The following FOXP4 variants were observed in gnomAD, a reference collection of about 807,000 sequenced individuals.
FOXP4 encodes the protein forkhead box P4.
In FOXP4, 25 loss-of-function variants were observed where a neutral mutation model predicts 82.6. The observed-to-expected ratio is 0.30, with a 90% CI of 0.22 to 0.42. The LOEUF (loss-of-function observed/expected upper bound fraction) is 0.42. FOXP4 is among the 10% of genes least tolerant of loss of function. The pLI, the probability that FOXP4 is intolerant of heterozygous loss-of-function variation, is 1.00. For missense variants in FOXP4, 785 were observed against 900.9 expected, an observed-to-expected ratio of 0.87 and a Z score of 1.65; for synonymous variants, 415 against 388.2, an observed-to-expected ratio of 1.07 and a Z score of -0.81.
intron 1 of FOXP4, among the ~76,000 whole-genome samples, chr6:41,550,220 G>A (rs372527228): frequency 9.2e-5 from 14 of 152,284 alleles, no homozygotes; most frequent in African/African-American, 3.4e-4. Flanking sequence ...TGGGACTCTG[G>A]AGAACTTAAT....
chr6:41,546,941 ACT>A (rs1353973036), intron 1 of FOXP4, 74 bp downstream of exon 1: 1 of 149,772 alleles, frequency 6.7e-6, no homozygotes, highest in Non-Finnish European at 1.5e-5. Flanking sequence ...TCGCTCGCGC[ACT>A]CTCTCGCCCG....
chr6:41,599,389 C>T lies in FOXP4; in HGVS notation c.*453C>T, dbSNP rs913917129. The T allele has an allele frequency of 6.3e-6, 1 of 159,862 alleles. No homozygotes were observed. The highest frequency in any genetic ancestry group is 5.8e-5 in the Admixed American group (1 of 17,150). The allele number at this position is 159,862 out of a possible 1,614,324, so 9.9% of individuals were successfully genotyped here. On this transcript the variant is annotated 3_prime_UTR_variant, in exon 17 of 17. Transcript: ENST00000307972. Reference sequence around the variant, plus strand: ...GGCCCCCACTTTCCTAACTCGTGCTCCCTTCCGCCTTCTTTTCCGTACTGT... The same window carrying T: ...GGCCCCCACTTTCCTAACTCGTGCTTCCTTCCGCCTTCTTTTCCGTACTGT...
chr6:41,582,143 C>T (rs1354421759), intron 3 of FOXP4, among the ~76,000 whole-genome samples: 2 of 152,224 alleles, frequency 1.3e-5, no homozygotes, highest in Non-Finnish European at 2.9e-5. Context: ...TGATTTTCTT[C>T]ACGTTTACAT....
At chr6:41,560,798 C>T (rs1764531701) in intron 1 of FOXP4, among the ~76,000 whole-genome samples, 1 of 152,234 alleles carries the variant, frequency 6.6e-6, no homozygotes, top group South Asian at 2.1e-4. Flanking sequence ...TGTTACGGCT[C>T]AGATTAAGCG....
rs2127407887 is a variant in FOXP4 at position 41,596,987 on chromosome 6, G to C, written c.1659-189G>C. 1.3e-5 allele frequency among the ~76,000 whole-genome samples: 2 copies of C among 152,312 alleles called. 1 individual carries two copies. Among genetic ancestry groups the C allele is most frequent in the South Asian group, 4.2e-4 (2 of 4,818 alleles). ...TGAAGGGGCTGCTCCTGCAGGGCCA[G>C]TTGAGCGTGAAGACCGAATCAGACC... On this transcript the variant is annotated intron_variant, in intron 14 of 16. Transcript: ENST00000307972.
intron 1 of FOXP4, among the ~76,000 whole-genome samples, chr6:41,551,922 C>T (rs1030469915): frequency 1.3e-5 from 2 of 152,148 alleles, no homozygotes; most frequent in African/African-American, 4.8e-5. Flanking sequence ...TCACATGCAA[C>T]TTGGAAAATC....
chr6:41,550,047 G>C (rs534777314), intron 1 of FOXP4, among the ~76,000 whole-genome samples: 100 of 152,228 alleles, frequency 6.6e-4, no homozygotes, highest in Admixed American at 1.2e-3. Flanking sequence ...CTAGACCAAG[G>C]CAGGGCAGGT....
chr6:41,594,277 A>G (rs1766693206), intron 13 of FOXP4, among the ~76,000 whole-genome samples: 1 of 152,198 alleles, frequency 6.6e-6, no homozygotes, highest in Admixed American at 6.5e-5. Flanking sequence ...TTCAACAAGT[A>G]TGTATGAGGC....
Position 41,584,908 on chromosome 6 carries a change from G to A in FOXP4, c.423+17G>A, listed in dbSNP as rs762723447. The A allele has an allele frequency of 1.9e-6, 3 of 1,601,538 alleles. No individual in the cohort carries two copies. Among genetic ancestry groups the A allele is most frequent in the Admixed American group, 3.4e-5 (2 of 59,386 alleles). On this transcript the variant is annotated intron_variant, in intron 4 of 16. Coordinates refer to ENST00000307972, the MANE Select transcript of FOXP4 (RefSeq NM_001012426.2). ...CTCCAGCAGGTGAGTCTGGCCCCAGGGCAGCTGGTCCCTCCTCCTCTGCCT... is the reference window on the plus strand; with the variant it reads ...CTCCAGCAGGTGAGTCTGGCCCCAGAGCAGCTGGTCCCTCCTCCTCTGCCT...
At position 41,587,463 on chromosome 6, in the gene FOXP4, C is replaced by T; in HGVS notation, c.823C>T (p.His275Tyr). The change falls in exon 7 of 17, where the codon CAT becomes TAT. Residue 275 changes from histidine (H) to tyrosine (Y), a missense_variant. Transcript: ENST00000307972. Reference sequence around the variant, plus strand: ...CAAGGTCTCACCCCCCCTCTCCCACCATACCCTGCCCAACGGACAGCCTAC... The same window carrying T: ...CAAGGTCTCACCCCCCCTCTCCCACTATACCCTGCCCAACGGACAGCCTAC... ...PPKVSPPLSH[H>Y]TLPNGQPTVL... 6.5e-7 allele frequency: 1 copy of T among 1,548,588 alleles called. No homozygotes were observed. The highest frequency in any genetic ancestry group is 8.7e-7 in the Non-Finnish European group (1 of 1,147,452).
At chr6:41,589,004 C>A (rs1178955877) in intron 9 of FOXP4, among the ~76,000 whole-genome samples, 5 of 152,228 alleles carry the variant, frequency 3.3e-5, no homozygotes, top group African/African-American at 1.2e-4. Flanking sequence ...TTATTAGCAG[C>A]TAACATATGG....
rs139784428 is a variant in FOXP4, at chr6:41,587,433, C to T, written c.793C>T (p.Pro265Ser). The T allele has an allele frequency of 1.8e-4, 276 of 1,572,452 alleles. No homozygotes were observed. The highest frequency in any genetic ancestry group is 2.2e-4 in the Non-Finnish European group (258 of 1,158,614). ...TAATATSFAA[P>S]PKVSPPLSHH... ...CGCCACCGCTACCTCGTTTGCCGCT[C>T]CCCCCAAGGTCTCACCCCCCCTCTC... Residue 265 changes from proline to serine, a missense_variant, in exon 7 of 17, where the codon CCC becomes TCC. Physicochemically the swap from Pro to Ser is moderately conservative, Grantham distance 74. Transcript: ENST00000307972.
chr6:41,600,165 C>G lies in FOXP4; in HGVS notation c.*1229C>G, dbSNP rs1315784312. 1 of 152,624 alleles carries G rather than the reference C, an allele frequency of 6.6e-6. No homozygotes were observed. Among genetic ancestry groups the G allele is most frequent in the Non-Finnish European group, 1.5e-5 (1 of 68,136 alleles). The allele number at this position is 152,624 out of a possible 1,614,324, so 9.5% of individuals were successfully genotyped here. Reference sequence around the variant, plus strand: ...CCCTGGGGCTCAGTGGAGGCAGGGCCCTGCCCCCCTCCCTTCCGCTCCTGC... The same window carrying G: ...CCCTGGGGCTCAGTGGAGGCAGGGCGCTGCCCCCCTCCCTTCCGCTCCTGC... On this transcript the variant is annotated 3_prime_UTR_variant, in exon 17 of 17. Coordinates refer to ENST00000307972, the MANE Select transcript of FOXP4 (RefSeq NM_001012426.2).
chr6:41,571,747 G>T (rs867195048), intron 2 of FOXP4, among the ~76,000 whole-genome samples: 3 of 151,756 alleles, frequency 2.0e-5, no homozygotes, highest in South Asian at 4.2e-4. Flanking sequence ...CACCTTCCTT[G>T]TCCCCCCTCT....
In FOXP4 at chr6:41,599,211, T is replaced by C; in HGVS notation, c.*275T>C. On this transcript the variant is annotated 3_prime_UTR_variant, in exon 17 of 17. Transcript: ENST00000307972. ...GACCCTCCCCACATCTGAAACTGCC[T>C]CCCCCCAACCACCAGCAGCAGCAGG... is the stretch of plus-strand genomic sequence containing the variant. 6.9e-6 allele frequency: 2 copies of C among 291,092 alleles called. No homozygotes were observed. The highest frequency in any genetic ancestry group is 1.3e-5 in the Non-Finnish European group (2 of 156,940). The allele number at this position is 291,092 out of a possible 1,614,324, so 18.0% of individuals were successfully genotyped here.
At chr6:41,576,658 G>A (rs538690165) in intron 2 of FOXP4, among the ~76,000 whole-genome samples, 8 of 152,304 alleles carry the variant, frequency 5.3e-5, no homozygotes, top group African/African-American at 1.7e-4. Context: ...AATGAGAGCC[G>A]AAGGGAGTGA....
chr6:41,596,857 G>A (rs568772531), intron 14 of FOXP4, among the ~76,000 whole-genome samples: 1 of 152,050 alleles, frequency 6.6e-6, no homozygotes, highest in East Asian at 1.9e-4. Context: ...AAAACGGGTG[G>A]GGGGGCAGCA....
intron 13 of FOXP4, among the ~76,000 whole-genome samples, chr6:41,592,296 A>G (rs972070135): frequency 1.3e-5 from 2 of 152,134 alleles, no homozygotes; most frequent in African/African-American, 4.8e-5. Context: ...GTGCCTGCCT[A>G]CCCTTTGCCC....
intron 5 of FOXP4, 140 bp downstream of exon 5, chr6:41,585,657 G>C (rs1581767287): frequency 2.7e-6 from 2 of 750,776 alleles, no homozygotes; most frequent in African/African-American, 3.5e-5. Context: ...AAGGATCAGT[G>C]TGGGGGAAAT....
Sources: allele counts gnomAD v4.1 joint callset (sites outside exome capture counted in the v4.1 genomes callset), GRCh38; gene constraint gnomAD v4.1.1; transcripts MANE v1.5; gene names NCBI Gene and HGNC (gene_info 2026-07-23, HGNC 2026-07-21).